Variants in KCNH8 observed in about 807,000 individuals in gnomAD.
The protein encoded by KCNH8 is voltage-gated delayed rectifier potassium channel KCNH8.
A neutral mutation model predicts 103.6 loss-of-function variants in KCNH8; 70 were observed. That is an observed-to-expected ratio of 0.68 (90% confidence interval 0.56 to 0.82). The LOEUF (loss-of-function observed/expected upper bound fraction) is 0.82, where lower values mean the gene tolerates loss of function less well. Ranked by LOEUF, KCNH8 falls within the 40% of genes least tolerant of loss-of-function variation. The pLI is 0.00. For missense variants in KCNH8, 1,217 were observed against 1,329.9 expected (o/e 0.92, Z 1.32); for synonymous variants, 498 against 489.4 (o/e 1.02, Z -0.23).
At chr3:19,208,139 T>G (rs1259523663) in intron 1 of KCNH8, among the ~76,000 whole-genome samples, 1 of 151,994 alleles carries the variant, frequency 6.6e-6, no homozygotes, top group East Asian at 1.9e-4. Flanking sequence ...ACTACAGAAA[T>G]TCATTTCCCA....
chr3:19,429,416 C>T (rs1355931102), intron 7 of KCNH8, among the ~76,000 whole-genome samples: 1 of 151,968 alleles, frequency 6.6e-6, no homozygotes, highest in African/African-American at 2.4e-5. Context: ...CCTCGTGATC[C>T]GCCCGCCTCG....
rs183448589 is a variant in KCNH8 at position 19,514,092 on chromosome 3, G to A, written c.2435+767G>A. 2.8e-3 allele frequency among the ~76,000 whole-genome samples: 419 copies of A among 152,138 alleles called. 2 individuals are homozygous for A. The highest frequency in any genetic ancestry group is 9.3e-3 in the African/African-American group (386 of 41,502). Reference sequence around the variant, plus strand: ...TTCTCAGAACCCTATAAAGTAGTTTGTGTTATCTCTATTATAAAGTTGCAA... The same window carrying A: ...TTCTCAGAACCCTATAAAGTAGTTTATGTTATCTCTATTATAAAGTTGCAA... On this transcript the variant is annotated intron_variant, in intron 13 of 15. Transcript: ENST00000328405.
intron 11 of KCNH8, among the ~76,000 whole-genome samples, chr3:19,505,752 T>C (rs989721141): frequency 3.9e-5 from 6 of 152,218 alleles, no homozygotes; most frequent in African/African-American, 1.4e-4. Flanking sequence ...TTCTGAGATA[T>C]ATTTTCCAGG....
intron 11 of KCNH8, among the ~76,000 whole-genome samples, chr3:19,467,451 A>G (rs928125162): frequency 2.0e-5 from 3 of 152,274 alleles, no homozygotes; most frequent in Non-Finnish European, 4.4e-5. Context: ...TATCTGGTGA[A>G]ATCTTTGACA....
intron 5 of KCNH8, among the ~76,000 whole-genome samples, chr3:19,374,296 T>C (rs1455264916): frequency 6.6e-6 from 1 of 151,758 alleles, no homozygotes; most frequent in Non-Finnish European, 1.5e-5. Context: ...GGTACTCCTG[T>C]ATTGGGTGCA....
chr3:19,463,095 T>C (rs1268722145), intron 11 of KCNH8, among the ~76,000 whole-genome samples: 1 of 152,174 alleles, frequency 6.6e-6, no homozygotes, highest in Non-Finnish European at 1.5e-5. Flanking sequence ...TTAGGTATTA[T>C]AAGTAATCTA....
chr3:19,224,411 T>TATGAAACC (rs1181519507), intron 1 of KCNH8, among the ~76,000 whole-genome samples: 1 of 152,158 alleles, frequency 6.6e-6, no homozygotes, highest in Non-Finnish European at 1.5e-5. Context: ...TTTTGAAAAT[T>TATGAAACC]ATGAAACCTA....
At chr3:19,533,358 T>A in intron 15 of KCNH8, 37 bp from the exon 16 acceptor site, 1 of 1,374,136 alleles carries the variant, frequency 7.3e-7, no homozygotes, top group South Asian at 1.2e-5. Flanking sequence ...ACTATGCACC[T>A]CTAACTATTG....
chr3:19,529,570 A>G (rs2069125761), intron 15 of KCNH8, among the ~76,000 whole-genome samples: 2 of 152,304 alleles, frequency 1.3e-5, no homozygotes, highest in South Asian at 4.1e-4. Context: ...ACATTTGATG[A>G]AGACTGAGGT....
At chr3:19,523,174 C>G (rs1423020448) in intron 15 of KCNH8, among the ~76,000 whole-genome samples, 2 of 151,806 alleles carry the variant, frequency 1.3e-5, no homozygotes, top group Non-Finnish European at 2.9e-5. Context: ...AAAGAAAGGC[C>G]TCTTTTTTTA....
intron 12 of KCNH8, among the ~76,000 whole-genome samples, chr3:19,511,407 A>G (rs1012489984): frequency 2.0e-5 from 3 of 152,322 alleles, no homozygotes; most frequent in South Asian, 4.1e-4. Flanking sequence ...AGAGAATTCA[A>G]TTAGAGCCAA....
At chr3:19,340,254 TAG>T (rs1239389014) in intron 3 of KCNH8, among the ~76,000 whole-genome samples, 1 of 152,056 alleles carries the variant, frequency 6.6e-6, no homozygotes, top group East Asian at 1.9e-4. Flanking sequence ...TTTATAATAG[TAG>T]AGAGATTTTA....
chr3:19,297,104 A>G (rs1332582379), intron 3 of KCNH8, among the ~76,000 whole-genome samples: 1 of 152,188 alleles, frequency 6.6e-6, no homozygotes, highest in Non-Finnish European at 1.5e-5. Flanking sequence ...TCTCAAGAAA[A>G]TGGTTCAGAG....
intron 5 of KCNH8, among the ~76,000 whole-genome samples, chr3:19,376,711 A>G (rs759784681): frequency 1.4e-4 from 21 of 152,202 alleles, no homozygotes; most frequent in Non-Finnish European, 3.1e-4. Flanking sequence ...TTTTGGTGCT[A>G]TTTCTTTGGA....
intron 5 of KCNH8, among the ~76,000 whole-genome samples, chr3:19,352,061 A>G (rs555577373): frequency 6.6e-6 from 1 of 152,194 alleles, no homozygotes; most frequent in Non-Finnish European, 1.5e-5. Flanking sequence ...GCAAATGGAA[A>G]ACAAAAAAAA....
At position 19,159,622 on chromosome 3, in the gene KCNH8, C is replaced by G. The variant is rs147972205; in HGVS notation, c.76+10827C>G. Among the ~76,000 whole-genome samples, 422 of 152,196 alleles carry G rather than the reference C, an allele frequency of 2.8e-3. 1 individual carries two copies. The highest frequency in any genetic ancestry group is 9.3e-3 in the African/African-American group (387 of 41,558). ...GCTGTGGCCTTGTCTAATAGTGTCT[C>G]AAACGTTTGTGTAGTGAATATAGTT... On this transcript the variant is annotated intron_variant, in intron 1 of 15. Transcript: ENST00000328405.
chr3:19,318,642 T>C (rs913245286), intron 3 of KCNH8, among the ~76,000 whole-genome samples: 1 of 101,426 alleles, frequency 9.9e-6, no homozygotes, highest in Non-Finnish European at 2.0e-5. Flanking sequence ...ACATGGTAAG[T>C]GTGTGTGTGT....
chr3:19,162,727 A>G (rs946672699), intron 1 of KCNH8, among the ~76,000 whole-genome samples: 1 of 152,192 alleles, frequency 6.6e-6, no homozygotes, highest in Non-Finnish European at 1.5e-5. Flanking sequence ...ATCTGGAACA[A>G]CATTACAAAG....
chr3:19,420,342 C>G (rs533542987), intron 7 of KCNH8, among the ~76,000 whole-genome samples: 15 of 152,182 alleles, frequency 9.9e-5, no homozygotes, highest in South Asian at 2.1e-4. Flanking sequence ...CTTGCAGTCT[C>G]TACCAAAAAC....
Sources: gnomAD v4.1 joint callset for allele counts (sites outside exome capture counted in the v4.1 genomes callset) on GRCh38, gnomAD v4.1.1 for gene constraint, MANE v1.5 for transcripts, NCBI Gene and HGNC (gene_info 2026-07-23, HGNC 2026-07-21) for gene names.